Variants in RBFOX1 observed in about 807,000 individuals in gnomAD.
The protein encoded by RBFOX1 is RNA binding fox-1 homolog 1.
Under a neutral mutation model 57.7 loss-of-function variants are expected in RBFOX1, and 8 were observed. The ratio of observed to expected loss-of-function variants is 0.14; its 90% CI spans 0.08 to 0.25. The LOEUF (loss-of-function observed/expected upper bound fraction) is 0.25. Among genes scored for constraint, RBFOX1 ranks in the 10% least tolerant of loss-of-function variants. The probability of loss-of-function intolerance (pLI) is 1.00; values close to 1 mark genes in which losing one functional copy is unlikely to be tolerated. For missense variants in RBFOX1, 611 were observed against 548.5 expected, an observed-to-expected ratio of 1.11 and a Z score of -1.14; for synonymous variants, 326 against 222.4, an observed-to-expected ratio of 1.47 and a Z score of -4.15.
intron 2 of RBFOX1, among the ~76,000 whole-genome samples, chr16:5,484,358 G>A (rs2069652397): frequency 6.6e-6 from 1 of 152,168 alleles, no homozygotes; most frequent in African/African-American, 2.4e-5. Flanking sequence ...TCACATCTTG[G>A]CAACTGGCTT....
At chr16:7,162,911 A>C (rs1057490216) in intron 4 of RBFOX1, among the ~76,000 whole-genome samples, 4 of 152,178 alleles carry the variant, frequency 2.6e-5, no homozygotes, top group Non-Finnish European at 5.9e-5. Flanking sequence ...TGTTGAAATG[A>C]AGACATGTGG....
At chr16:7,026,872 G>A (rs114068415) in intron 3 of RBFOX1, among the ~76,000 whole-genome samples, 2,329 of 152,336 alleles carry the variant, frequency 0.015, 65 homozygotes, top group African/African-American at 0.053. Flanking sequence ...CTAGTTGCAA[G>A]GGAGGGCTTT....
At chr16:5,309,281 G>A (rs543865567) in intron 1 of RBFOX1, among the ~76,000 whole-genome samples, 6 of 152,150 alleles carry the variant, frequency 3.9e-5, no homozygotes, top group Non-Finnish European at 8.8e-5. Context: ...TTTATTTCTT[G>A]TTGCTATCTC....
At chr16:6,740,592 C>T (rs1249506291) in intron 3 of RBFOX1, among the ~76,000 whole-genome samples, 1 of 152,086 alleles carries the variant, frequency 6.6e-6, no homozygotes, top group African/African-American at 2.4e-5. Flanking sequence ...AAATTTCTTA[C>T]AGTAAACAGA....
intron 2 of RBFOX1, among the ~76,000 whole-genome samples, chr16:6,318,237 G>T (rs189187966): frequency 6.6e-6 from 1 of 152,166 alleles, no homozygotes; most frequent in Admixed American, 6.6e-5. Context: ...GATTAGACTG[G>T]CAGCTTTTGT....
chr16:7,254,723 A>T (rs1193566275), intron 4 of RBFOX1, among the ~76,000 whole-genome samples: 1 of 152,140 alleles, frequency 6.6e-6, no homozygotes, highest in Non-Finnish European at 1.5e-5. Flanking sequence ...AATTGTTATT[A>T]TCCTAAAACT....
intron 2 of RBFOX1, among the ~76,000 whole-genome samples, chr16:6,378,436 G>A (rs1450415128): frequency 6.6e-6 from 1 of 152,212 alleles, no homozygotes; most frequent in Non-Finnish European, 1.5e-5. Context: ...ACCGATGGAG[G>A]TTGTTGAGCA....
At chr16:6,656,599 GACACAC>G (rs60723864) in intron 3 of RBFOX1, among the ~76,000 whole-genome samples, 2,027 of 146,384 alleles carry the variant, frequency 0.014, 31 homozygotes, top group Middle Eastern at 0.036. Flanking sequence ...GGGGAAAATA[GACACAC>G]ACACACACAC....
intron 4 of RBFOX1, among the ~76,000 whole-genome samples, chr16:7,095,407 G>C (rs2061532522): frequency 6.6e-6 from 1 of 152,142 alleles, no homozygotes; most frequent in Non-Finnish European, 1.5e-5. Context: ...CACAGTGCTG[G>C]GATTACAGTC....
chr16:7,483,116 C>G (rs2064441250), intron 4 of RBFOX1, among the ~76,000 whole-genome samples: 1 of 152,134 alleles, frequency 6.6e-6, no homozygotes, highest in South Asian at 2.1e-4. Flanking sequence ...GTTAGAAGAA[C>G]TGTTTCTCCA....
chr16:7,324,896 A>C (rs1289442427), intron 4 of RBFOX1, among the ~76,000 whole-genome samples: 1 of 152,156 alleles, frequency 6.6e-6, no homozygotes, highest in Non-Finnish European at 1.5e-5. Flanking sequence ...ATTGAACTTG[A>C]TATCCTTTTT....
rs529326937 is a variant in RBFOX1, at chr16:7,271,195, A to G, written c.27+219097A>G. Among the ~76,000 whole-genome samples the G allele has an allele frequency of 5.9e-5, 9 of 152,254 alleles. No individual in the cohort carries two copies. The South Asian group carries it at 1.9e-3, about 32-fold the overall frequency. Reference sequence around the variant, plus strand: ...TCCTTTTCCCCTAAATGGAGACGGGATGCACTTGAGCATTCTGTCCCATGC... The same window carrying G: ...TCCTTTTCCCCTAAATGGAGACGGGGTGCACTTGAGCATTCTGTCCCATGC... On this transcript the variant is annotated intron_variant, in intron 4 of 15. Transcript: ENST00000550418.
chr16:7,216,217 A>G (rs1416300834), intron 4 of RBFOX1, among the ~76,000 whole-genome samples: 13 of 152,140 alleles, frequency 8.5e-5, no homozygotes, highest in Admixed American at 6.5e-5. Context: ...CTTATTGGCT[A>G]TTGTGAATCA....
At chr16:5,662,923 A>T (rs567864178) in intron 3 of RBFOX1, among the ~76,000 whole-genome samples, 40 of 152,364 alleles carry the variant, frequency 2.6e-4, no homozygotes, top group African/African-American at 9.4e-4. Flanking sequence ...TAGCTGGGAT[A>T]GTGCTTAACA....
chr16:6,223,539 G>A (rs891798003), intron 1 of RBFOX1, among the ~76,000 whole-genome samples: 2 of 152,132 alleles, frequency 1.3e-5, no homozygotes, highest in African/African-American at 4.8e-5. Context: ...CCCAGTTTTT[G>A]TTGGGGTTGT....
intron 4 of RBFOX1, chr16:7,333,183 A>G (rs1039846792): frequency 1.6e-5 from 19 of 1,221,962 alleles, no homozygotes; most frequent in Middle Eastern, 4.2e-4. Context: ...CACTTTTAAT[A>G]CAGGAAAAAG....
intron 2 of RBFOX1, among the ~76,000 whole-genome samples, chr16:6,563,866 GTATGTA>G (rs1382047635): frequency 7.9e-5 from 12 of 151,730 alleles, no homozygotes; most frequent in East Asian, 5.8e-4. Flanking sequence ...GTGTGTGTAT[GTATGTA>G]TATGTATGTG....
chr16:5,608,339 T>G (rs1052355467), intron 3 of RBFOX1, among the ~76,000 whole-genome samples: 10 of 152,176 alleles, frequency 6.6e-5, no homozygotes, highest in African/African-American at 2.4e-4. Context: ...TGAGCAGTCA[T>G]AGCATACCAT....
intron 2 of RBFOX1, among the ~76,000 whole-genome samples, chr16:6,504,262 G>T (rs552338861): frequency 6.6e-6 from 1 of 152,160 alleles, no homozygotes; most frequent in African/African-American, 2.4e-5. Context: ...CTTCTCCACA[G>T]TCCACCTGTT....
Sources: gnomAD v4.1 joint callset for allele counts (sites outside exome capture counted in the v4.1 genomes callset) on GRCh38, gnomAD v4.1.1 for gene constraint, MANE v1.5 for transcripts, NCBI Gene and HGNC (gene_info 2026-07-23, HGNC 2026-07-21) for gene names.